The following NIBAN3 variants were observed in gnomAD, a reference collection of about 807,000 sequenced individuals.
The protein encoded by NIBAN3 is protein Niban 3.
Under a neutral mutation model 76.4 loss-of-function variants are expected in NIBAN3, and 66 were observed. The observed-to-expected ratio is 0.86, with a 90% confidence interval of 0.71 to 1.06. The LOEUF (loss-of-function observed/expected upper bound fraction) is 1.06, where lower values mean the gene tolerates loss of function less well. NIBAN3 is among the 50% of genes least tolerant of loss of function. The pLI, the probability that NIBAN3 is intolerant of heterozygous loss-of-function variation, is 0.00. For synonymous variants in NIBAN3, 360 were observed against 355.2 expected (o/e 1.01, Z -0.15); for missense variants, 808 against 810.7 (o/e 1.00, Z 0.04).
chr19:17,531,357 A>G (rs905038230), intron 2 of NIBAN3, among the ~76,000 whole-genome samples: 26 of 131,550 alleles, frequency 2.0e-4, no homozygotes, highest in Non-Finnish European at 3.6e-4. Flanking sequence ...ACACACACAC[A>G]CACACACACA....
Position 17,539,169 on chromosome 19 carries a change from C to T in NIBAN3, c.615C>T (p.Ala205=). 6.3e-7 allele frequency: 1 copy of T among 1,597,942 alleles called. No individual in the cohort carries two copies. The highest frequency in any genetic ancestry group is 8.5e-7 in the Non-Finnish European group (1 of 1,172,996). Residue 205 remains alanine (A), a synonymous_variant, in exon 6 of 15, where the codon GCC becomes GCT. Transcript: ENST00000599164. ...LQGIVLQRSQ[A]PAARAFLDAV... is the part of the protein sequence containing the mutation. ...TCTCAGTCCTGCAGCGAAGCCAGGC[C>T]CCTGCTGCCCGGGCCTTCCTGGACG...
intron 2 of NIBAN3, among the ~76,000 whole-genome samples, chr19:17,531,886 C>T (rs1423831235): frequency 6.6e-6 from 1 of 152,202 alleles, no homozygotes; most frequent in African/African-American, 2.4e-5. Flanking sequence ...CAGTCTTCAC[C>T]CCTTTGGTAG....
chr19:17,546,685 GGAGCTGCCTGAGTTC>G lies in NIBAN3; in HGVS notation c.1558_1572del (p.Leu520_Glu524del). On this transcript the variant is annotated inframe_deletion and splice_region_variant, in exon 13 of 15. Transcript: ENST00000599164. Reference sequence around the variant, plus strand: ...GAGCCCCTAACCCGCCATGGTTCCAGGAGCTGCCTGAGTTCGAGGGGGATGTCCTTGCCGTGGGCA... The same window carrying G: ...GAGCCCCTAACCCGCCATGGTTCCAGGAGGGGGATGTCCTTGCCGTGGGCA... 6.4e-7 allele frequency: 1 copy of G among 1,563,450 alleles called. No homozygotes were observed. Among genetic ancestry groups the G allele is most frequent in the African/African-American group, 1.3e-5 (1 of 74,150 alleles).
chr19:17,542,055 T>C lies in NIBAN3; in HGVS notation c.1171-81T>C. On this transcript the variant is annotated intron_variant, in intron 9 of 14. Coordinates refer to ENST00000599164, the MANE Select transcript of NIBAN3 (RefSeq NM_001321827.2). The surrounding 1 kb of genome is among the most constrained non-coding windows in gnomAD (Gnocchi z 4.8). ...TGTATTTTCATTTGTGTTTCTCCTT[T>C]GGTGAATTGGTAATGGGGTCCCTGG... 6.6e-7 allele frequency: 1 copy of C among 1,508,992 alleles called. No homozygotes were observed. Among genetic ancestry groups the C allele is most frequent in the Non-Finnish European group, 9.2e-7 (1 of 1,088,416 alleles). The allele number at this position is 1,508,992 out of a possible 1,614,324, so 93.5% of individuals were successfully genotyped here. A position where few individuals can be genotyped will look rare whatever the true frequency, so the allele number is the denominator to read the frequency against.
intron 5 of NIBAN3, among the ~76,000 whole-genome samples, 196 bp from the exon 6 acceptor site, chr19:17,538,954 G>T (rs75841287): frequency 6.6e-6 from 1 of 152,236 alleles, no homozygotes; most frequent in African/African-American, 2.4e-5. Flanking sequence ...TGCCAGTAGA[G>T]GGTTCCTTCT....
rs930973058 is a variant in NIBAN3 at position 17,552,381 on chromosome 19, A to AT, written c.*495dup. 4.7e-3 allele frequency: 676 copies of AT among 144,456 alleles called. 5 individuals carry two copies. Among genetic ancestry groups the AT allele is most frequent in the African/African-American group, 0.015 (578 of 39,622 alleles). The allele number at this position is 144,456 out of a possible 1,614,324, so 8.9% of individuals were successfully genotyped here. A position where few individuals can be genotyped will look rare whatever the true frequency, so the allele number is the denominator to read the frequency against. ...GGTGTGAGCCACCACACGTGGCCTAATTTTTTTTTTTTAAATAATAGAGAC... is the reference window on the plus strand; with the variant it reads ...GGTGTGAGCCACCACACGTGGCCTAATTTTTTTTTTTTTAAATAATAGAGAC... On this transcript the variant is annotated 3_prime_UTR_variant, in exon 15 of 15. Transcript: ENST00000599164.
At position 17,531,513 on chromosome 19, in the gene NIBAN3, T is replaced by C. The variant is rs77606242; in HGVS notation, c.186+628T>C. On this transcript the variant is annotated intron_variant, in intron 2 of 14. Coordinates refer to ENST00000599164, the MANE Select transcript of NIBAN3 (RefSeq NM_001321827.2). Reference sequence around the variant, plus strand: ...TGGGAGGTAGAAGACTCCAAACAAGTTAGCATATCATGATGTGGAATGGAG... The same window carrying C: ...TGGGAGGTAGAAGACTCCAAACAAGCTAGCATATCATGATGTGGAATGGAG... Among the ~76,000 whole-genome samples the C allele has an allele frequency of 6.6e-5, 10 of 152,096 alleles. No homozygotes were observed. In the East Asian group the frequency reaches 1.9e-3, roughly 29 times the overall value.
At chr19:17,535,031 C>A (rs934501925) in intron 4 of NIBAN3, among the ~76,000 whole-genome samples, 1 of 152,182 alleles carries the variant, frequency 6.6e-6, no homozygotes, top group African/African-American at 2.4e-5. Flanking sequence ...ATCTTGCTGT[C>A]AAAGGACACA....
intron 1 of NIBAN3, among the ~76,000 whole-genome samples, chr19:17,530,041 A>T (rs1009937872): frequency 3.3e-4 from 48 of 147,674 alleles, no homozygotes; most frequent in Admixed American, 2.2e-3. Context: ...AGCCTGGGGG[A>T]CAGACACCCT....
At chr19:17,544,572 G>A (rs2076015754) in intron 12 of NIBAN3, among the ~76,000 whole-genome samples, 1 of 152,264 alleles carries the variant, frequency 6.6e-6, no homozygotes, top group Non-Finnish European at 1.5e-5. Flanking sequence ...GTCCCGGGAA[G>A]GGCATTCCAG....
At position 17,547,601 on chromosome 19, in the gene NIBAN3, C is replaced by G. The variant is rs138749553; in HGVS notation, c.1666+804C>G. ...AACTCCTGACATCGTGATCCTCCCC[C>G]CTTGGGCTCCCAAAGTGCTGGGATT... On this transcript the variant is annotated intron_variant, in intron 13 of 14. Transcript: ENST00000599164. 7.7e-4 allele frequency among the ~76,000 whole-genome samples: 117 copies of G among 151,282 alleles called. No homozygotes were observed. In the East Asian group the frequency reaches 0.02, roughly 25 times the overall value.
intron 5 of NIBAN3, among the ~76,000 whole-genome samples, chr19:17,537,818 C>T (rs1433753176): frequency 6.6e-6 from 1 of 152,108 alleles, no homozygotes; most frequent in African/African-American, 2.4e-5. Flanking sequence ...TGGTGGAAGG[C>T]ACCTGTAATC....
rs757883201 is a variant in NIBAN3 at position 17,539,611 on chromosome 19, C to G, written c.825C>G (p.Asp275Glu). Residue 275 changes from aspartate (D) to glutamate (E), a missense_variant, in exon 8 of 15, where the codon GAC becomes GAG. By Grantham distance (45) the Asp-to-Glu change is conservative (BLOSUM62 2). Coordinates refer to ENST00000599164, the MANE Select transcript of NIBAN3 (RefSeq NM_001321827.2). ...TCGACCGGTCTGGGCAGCTTCTAGA[C>G]GCCGTTCACGCAGCTGTCCTGGCCG... Reference protein sequence around the residue: ...ARAWAWTELLDAVHAAVLAGA... With the variant: ...ARAWAWTELLEAVHAAVLAGA... The G allele has an allele frequency of 6.4e-7, 1 of 1,553,704 alleles. No individual in the cohort carries two copies. Among genetic ancestry groups the G allele is most frequent in the South Asian group, 1.2e-5 (1 of 84,866 alleles).
Position 17,539,194 on chromosome 19 carries a change from G to C in NIBAN3, c.640G>C (p.Ala214Pro). ...CCCTGCTGCCCGGGCCTTCCTGGAC[G>C]CCGTCCGACTCTACCGGCAGCACCA... Reference protein sequence around the residue: ...QAPAARAFLDAVRLYRQHQGH... With the variant: ...QAPAARAFLDPVRLYRQHQGH... The change falls in exon 6 of 15, where the codon GCC becomes CCC. Residue 214 changes from alanine (A) to proline (P), a missense_variant. Ala to Pro is a conservative substitution (Grantham distance 27). Transcript: ENST00000599164. The C allele has an allele frequency of 6.2e-7, 1 of 1,606,488 alleles. No homozygotes were observed. The highest frequency in any genetic ancestry group is 1.1e-5 in the South Asian group (1 of 89,902).
intron 2 of NIBAN3, 42 bp downstream of exon 2, chr19:17,530,927 G>T: frequency 6.3e-7 from 1 of 1,590,038 alleles, no homozygotes. Flanking sequence ...TGTTAGGGGA[G>T]GGTCCTGGAG....
Position 17,533,606 on chromosome 19 carries a change from A to C in NIBAN3, c.332A>C (p.His111Pro), listed in dbSNP as rs2075771394. 6.2e-7 allele frequency: 1 copy of C among 1,613,994 alleles called. No homozygotes were observed. Among genetic ancestry groups the C allele is most frequent in the East Asian group, 2.2e-5 (1 of 44,882 alleles). The change falls in exon 4 of 15, where the codon CAC becomes CCC. Residue 111 changes from histidine to proline, a missense_variant. Transcript: ENST00000599164. Reference protein sequence around the residue: ...SHKEEYENGGHCLGSTALTGY... With the variant: ...SHKEEYENGGPCLGSTALTGY... ...TTGTAGGAATATGAAAACGGGGGCCACTGCCTTGGCTCAACAGCCCTGACA... is the reference window on the plus strand; with the variant it reads ...TTGTAGGAATATGAAAACGGGGGCCCCTGCCTTGGCTCAACAGCCCTGACA...
In NIBAN3 at chr19:17,553,486, G is replaced by T; in HGVS notation, c.*1588G>T. On this transcript the variant is annotated 3_prime_UTR_variant, in exon 15 of 15. Coordinates refer to ENST00000599164, the MANE Select transcript of NIBAN3 (RefSeq NM_001321827.2). ...TTCCCGTGTGTTCTTGGTTCAGCTT[G>T]CAGAGGGACTTTCACACTCCCTGGA... 1 of 1,614,202 alleles carries T rather than the reference G, an allele frequency of 6.2e-7. No individual in the cohort carries two copies.
At chr19:17,535,305 G>C (rs1472515061) in intron 4 of NIBAN3, among the ~76,000 whole-genome samples, 1 of 152,122 alleles carries the variant, frequency 6.6e-6, no homozygotes, top group Non-Finnish European at 1.5e-5. Context: ...AATTACCTAG[G>C]TGTGGTGGCA....
chr19:17,533,436 A>T, intron 3 of NIBAN3, 151 bp from the exon 4 acceptor site: 1 of 377,862 alleles, frequency 2.6e-6, no homozygotes. Flanking sequence ...AAAAAGAGAG[A>T]GGGAGGAATG....
Sources: allele counts gnomAD v4.1 joint callset (sites outside exome capture counted in the v4.1 genomes callset), GRCh38; gene constraint gnomAD v4.1.1; non-coding constraint Gnocchi (gnomAD v3.1); transcripts MANE v1.5; gene names NCBI Gene and HGNC (gene_info 2026-07-23, HGNC 2026-07-21).